Variants in PYROXD2 observed in about 807,000 individuals in gnomAD.
PYROXD2 encodes the protein pyridine nucleotide-disulphide oxidoreductase domain 2.
A neutral mutation model predicts 71.1 loss-of-function variants in PYROXD2; 69 were observed. The ratio of observed to expected loss-of-function variants is 0.97; its 90% CI spans 0.80 to 1.19. PYROXD2 has a LOEUF of 1.19. PYROXD2 is among the 50% of genes most tolerant of loss of function. PYROXD2 has a pLI of 0.00. For synonymous variants in PYROXD2, 287 were observed against 302.7 expected (o/e 0.95, Z 0.54); for missense variants, 745 against 748.9 (o/e 0.99, Z 0.06).
intron 5 of PYROXD2, among the ~76,000 whole-genome samples, chr10:98,398,495 TAA>T (rs1244970733): frequency 6.6e-6 from 1 of 152,214 alleles, no homozygotes; most frequent in Admixed American, 6.5e-5. Context: ...GGCATTTTAA[TAA>T]GTGTTACATA....
chr10:98,413,296 T>G (rs1843850885), intron 1 of PYROXD2, among the ~76,000 whole-genome samples: 1 of 152,212 alleles, frequency 6.6e-6, no homozygotes, highest in South Asian at 2.1e-4. Flanking sequence ...GATGGGAAAA[T>G]GCTAATAATG....
At chr10:98,395,921 T>C (rs535424428) in intron 6 of PYROXD2, among the ~76,000 whole-genome samples, 36 of 152,318 alleles carry the variant, frequency 2.4e-4, no homozygotes, top group African/African-American at 7.9e-4. Context: ...AACTAGGCTT[T>C]AAGGCCTTCA....
At position 98,385,935 on chromosome 10, in the gene PYROXD2, A is replaced by T. The variant is rs74346663; in HGVS notation, c.1555-868T>A. Among the ~76,000 whole-genome samples, 790 of 152,212 alleles carry T rather than the reference A, an allele frequency of 5.2e-3. 6 individuals carry two copies. Among genetic ancestry groups the T allele is most frequent in the African/African-American group, 0.018 (748 of 41,514 alleles). On this transcript the variant is annotated intron_variant, in intron 14 of 15. Coordinates refer to ENST00000370575, the MANE Select transcript of PYROXD2 (RefSeq NM_032709.3). ...ACCAGTGCTGTTCAGTGAACATGTAATGGGAGCTACATATGTAGTTTTTGA... is the reference window on the plus strand; with the variant it reads ...ACCAGTGCTGTTCAGTGAACATGTATTGGGAGCTACATATGTAGTTTTTGA...
chr10:98,392,524 C>A lies in PYROXD2; in HGVS notation c.970G>T (p.Gly324Ter). The change falls in exon 10 of 16, where the codon GGA (glycine) becomes TGA (stop). Residue 324 changes from glycine (G) to a stop codon, truncating the protein, a stop_gained. Coordinates refer to ENST00000370575, the MANE Select transcript of PYROXD2 (RefSeq NM_032709.3). LOFTEE classifies it high-confidence loss of function. ...TCTGTGCCATCTTCCAGCACAACTC[C>A]TTGAACACAGCCTTCACTGTTCACC... ...VQVNSEGCVQGVVLEDGTEVR... is the reference protein window; with the variant it reads ...VQVNSEGCVQ 1 of 1,613,516 alleles carries A rather than the reference C, an allele frequency of 6.2e-7. No individual in the cohort carries two copies. Among genetic ancestry groups the A allele is most frequent in the Non-Finnish European group, 8.5e-7 (1 of 1,180,034 alleles).
intron 6 of PYROXD2, among the ~76,000 whole-genome samples, chr10:98,395,898 C>A (rs1467906787): frequency 6.6e-6 from 1 of 152,146 alleles, no homozygotes; most frequent in Non-Finnish European, 1.5e-5. Flanking sequence ...TGATTCAGAC[C>A]ATTTCAGAAA....
chr10:98,403,761 C>T (rs1454188313), intron 4 of PYROXD2, among the ~76,000 whole-genome samples: 1 of 152,158 alleles, frequency 6.6e-6, no homozygotes, highest in Non-Finnish European at 1.5e-5. Flanking sequence ...TCTAATGCTG[C>T]CTTCTTTTCT....
intron 15 of PYROXD2, among the ~76,000 whole-genome samples, chr10:98,384,369 G>A (rs1335223245): frequency 6.6e-6 from 1 of 152,178 alleles, no homozygotes; most frequent in East Asian, 1.9e-4. Context: ...TCTAATCCCA[G>A]CACTTTGGGA....
chr10:98,395,152 G>A (rs1338065563), intron 8 of PYROXD2, 44 bp downstream of exon 8: 2 of 1,530,162 alleles, frequency 1.3e-6, no homozygotes, highest in East Asian at 2.2e-5. Flanking sequence ...TCCTGTTGGG[G>A]AACATGCCCC....
intron 3 of PYROXD2, 67 bp downstream of exon 3, chr10:98,407,837 C>G (rs1843659287): frequency 1.3e-6 from 2 of 1,493,630 alleles, no homozygotes. Context: ...CACCCGGGGT[C>G]AGCAGGGATG....
At chr10:98,400,293 G>A in intron 4 of PYROXD2, 36 bp from the exon 5 acceptor site, 4 of 1,572,434 alleles carry the variant, frequency 2.5e-6, no homozygotes, top group Non-Finnish European at 3.5e-6. Flanking sequence ...ACATATTAAT[G>A]GCTCTGTGGT....
chr10:98,407,510 A>AC lies in PYROXD2; in HGVS notation c.315+71dup, dbSNP rs969435273. 33 of 1,578,506 alleles carry AC rather than the reference A, an allele frequency of 2.1e-5. No homozygotes were observed. In the African/African-American group the frequency reaches 2.6e-4, roughly 12 times the overall value. ...GCATCACCTCGGGCACAGAACAGGG[A>AC]CCCCCCACACAGGTTGGGAAGATGG... is the stretch of plus-strand genomic sequence containing the variant. On this transcript the variant is annotated intron_variant, in intron 4 of 15. Coordinates refer to ENST00000370575, the MANE Select transcript of PYROXD2 (RefSeq NM_032709.3).
chr10:98,412,697 C>A (rs182321121), intron 1 of PYROXD2, among the ~76,000 whole-genome samples: 1 of 152,232 alleles, frequency 6.6e-6, no homozygotes, highest in East Asian at 1.9e-4. Flanking sequence ...TCACTGAGGC[C>A]CAAGATGCCT....
chr10:98,390,906 G>T, intron 11 of PYROXD2, 104 bp downstream of exon 11: 2 of 1,335,704 alleles, frequency 1.5e-6, no homozygotes, highest in Non-Finnish European at 2.1e-6. Context: ...CAGGCTGGAG[G>T]TCCGGGAATG....
intron 2 of PYROXD2, among the ~76,000 whole-genome samples, chr10:98,409,915 T>C (rs1010137763): frequency 3.3e-5 from 5 of 152,120 alleles, no homozygotes; most frequent in African/African-American, 1.2e-4. Flanking sequence ...CCGTCTCTAC[T>C]AAAAATACAA....
intron 4 of PYROXD2, among the ~76,000 whole-genome samples, chr10:98,400,736 G>T (rs916477031): frequency 2.6e-5 from 4 of 152,206 alleles, no homozygotes; most frequent in African/African-American, 4.8e-5. Flanking sequence ...CAATAACTTT[G>T]TAAGTACAGT....
chr10:98,383,964 G>C, intron 15 of PYROXD2, 96 bp from the exon 16 acceptor site: 1 of 1,100,434 alleles, frequency 9.1e-7, no homozygotes, highest in East Asian at 2.3e-5. Context: ...ACAAAGCAGA[G>C]TGGGGCTGGT....
At chr10:98,400,842 T>C (rs1843372781) in intron 4 of PYROXD2, among the ~76,000 whole-genome samples, 1 of 152,188 alleles carries the variant, frequency 6.6e-6, no homozygotes, top group Admixed American at 6.5e-5. Flanking sequence ...TACACAAAAC[T>C]AGATCTGATA....
chr10:98,408,579 T>G (rs943042979), intron 2 of PYROXD2, among the ~76,000 whole-genome samples: 1 of 152,138 alleles, frequency 6.6e-6, no homozygotes, highest in Non-Finnish European at 1.5e-5. Flanking sequence ...AGGGTTTAAG[T>G]GGTCCCTGGC....
At chr10:98,409,875 C>T (rs1469986619) in intron 2 of PYROXD2, among the ~76,000 whole-genome samples, 3 of 152,054 alleles carry the variant, frequency 2.0e-5, no homozygotes, top group Non-Finnish European at 4.4e-5. Context: ...ATCAGGAGTT[C>T]GAGATCAGCC....
Sources: allele counts gnomAD v4.1 joint callset (sites outside exome capture counted in the v4.1 genomes callset), GRCh38; gene constraint gnomAD v4.1.1; transcripts MANE v1.5; gene names NCBI Gene and HGNC (gene_info 2026-07-23, HGNC 2026-07-21).